SHISA9: variants seen among roughly 807,000 people sequenced by gnomAD.
The protein encoded by SHISA9 is shisa family member 9.
Under a neutral mutation model 38.0 loss-of-function variants are expected in SHISA9, and 13 were observed. The observed-to-expected ratio is 0.34, with a 90% CI of 0.22 to 0.54. The LOEUF (loss-of-function observed/expected upper bound fraction) is 0.54, where lower values mean the gene tolerates loss of function less well. Ranked by LOEUF, SHISA9 falls within the 20% of genes least tolerant of loss-of-function variation. SHISA9 has a pLI of 0.91. For synonymous variants in SHISA9, 275 were observed against 242.0 expected (o/e 1.14, Z -1.27); for missense variants, 538 against 575.8 (o/e 0.93, Z 0.67).
At chr16:13,221,034 G>GA (rs10665930) in intron 4 of SHISA9, among the ~76,000 whole-genome samples, 3,036 of 147,276 alleles carry the variant, frequency 0.021, 50 homozygotes, top group Non-Finnish European at 0.031. Flanking sequence ...TGGGATTTTA[G>GA]AAAAAAAAAA....
At chr16:13,412,982 GGAATGAATGAAT>G in the SHISA9 span, among the ~76,000 whole-genome samples, 1 of 151,528 alleles carries the variant, frequency 6.6e-6, no homozygotes, top group Admixed American at 6.6e-5. Flanking sequence ...AATAAATAAA[GGAATGAATGAAT>G]GAATGAATGA....
At chr16:13,153,943 C>G (rs1043515544) in intron 2 of SHISA9, among the ~76,000 whole-genome samples, 1 of 112,446 alleles carries the variant, frequency 8.9e-6, no homozygotes, top group African/African-American at 3.4e-5. Flanking sequence ...GGCAACAGAT[C>G]TGAGGGCTGG....
At chr16:13,056,552 G>A in intron 2 of SHISA9, among the ~76,000 whole-genome samples, 1 of 152,184 alleles carries the variant, frequency 6.6e-6, no homozygotes, top group Non-Finnish European at 1.5e-5. Flanking sequence ...ATCAGTTATG[G>A]GTTGGAAGGA....
chr16:13,548,101 A>G, the SHISA9 span, among the ~76,000 whole-genome samples: 1 of 152,220 alleles, frequency 6.6e-6, no homozygotes, highest in Non-Finnish European at 1.5e-5. Context: ...AGGCACCAAG[A>G]ACACACATAT....
At chr16:13,269,565 A>G in the SHISA9 span, among the ~76,000 whole-genome samples, 1 of 152,204 alleles carries the variant, frequency 6.6e-6, no homozygotes, top group Non-Finnish European at 1.5e-5. Context: ...ATTCAGTGGT[A>G]AGCTTGGAAA....
At chr16:13,441,112 A>G in the SHISA9 span, among the ~76,000 whole-genome samples, 1 of 152,218 alleles carries the variant, frequency 6.6e-6, no homozygotes, top group Non-Finnish European at 1.5e-5. Context: ...GAAAAATAAA[A>G]GCAGAAGATA....
At chr16:13,130,460 C>T (rs190371229) in intron 2 of SHISA9, among the ~76,000 whole-genome samples, 220 of 152,208 alleles carry the variant, frequency 1.4e-3, no homozygotes, top group African/African-American at 5.0e-3. Flanking sequence ...CTACATGATA[C>T]CATCCCTATC....
chr16:13,262,678 G>GAA, the SHISA9 span, among the ~76,000 whole-genome samples: 6 of 55,864 alleles, frequency 1.1e-4, no homozygotes, highest in African/African-American at 5.4e-4. Context: ...GGAAGGGAGG[G>GAA]AGGAAGGAAG....
chr16:13,220,191 C>A (rs924550900), intron 4 of SHISA9, among the ~76,000 whole-genome samples: 1 of 152,118 alleles, frequency 6.6e-6, no homozygotes, highest in Non-Finnish European at 1.5e-5. Context: ...TTCTTCTTAT[C>A]TCAGGTGATT....
intron 2 of SHISA9, among the ~76,000 whole-genome samples, chr16:13,032,018 A>T (rs2072996559): frequency 6.6e-6 from 1 of 150,504 alleles, no homozygotes; most frequent in Admixed American, 6.7e-5. Context: ...TTTTTTTTTC[A>T]AATTTTACTT....
chr16:13,051,530 A>G (rs1295800555), intron 2 of SHISA9, among the ~76,000 whole-genome samples: 1 of 152,102 alleles, frequency 6.6e-6, no homozygotes, highest in Non-Finnish European at 1.5e-5. Flanking sequence ...TTCACTTTAC[A>G]CACCTTCTCA....
At chr16:13,461,942 C>T in the SHISA9 span, among the ~76,000 whole-genome samples, 1 of 151,966 alleles carries the variant, frequency 6.6e-6, no homozygotes, top group African/African-American at 2.4e-5. Context: ...AAGTATTCAC[C>T]CAGGAAGTAT....
At chr16:13,300,058 C>T in the SHISA9 span, among the ~76,000 whole-genome samples, 2 of 152,070 alleles carry the variant, frequency 1.3e-5, no homozygotes, top group Non-Finnish European at 2.9e-5. Flanking sequence ...CAAAGTAGCC[C>T]AGCTGTTTTC....
intron 2 of SHISA9, among the ~76,000 whole-genome samples, chr16:13,019,901 TTCTTTC>T: frequency 2.1e-5 from 1 of 47,172 alleles, no homozygotes; most frequent in South Asian, 8.0e-4. Flanking sequence ...CTTTCTTTCT[TTCTTTC>T]TTTCTTTCTT....
intron 2 of SHISA9, among the ~76,000 whole-genome samples, chr16:12,991,830 A>G (rs1567174830): frequency 1.3e-5 from 2 of 152,244 alleles, no homozygotes; most frequent in East Asian, 1.9e-4. Flanking sequence ...ATACTGATAG[A>G]TCCTTTTCCT....
At chr16:13,389,072 A>G in the SHISA9 span, among the ~76,000 whole-genome samples, 5 of 152,128 alleles carry the variant, frequency 3.3e-5, no homozygotes, top group East Asian at 9.6e-4. Flanking sequence ...ATGAACCTAC[A>G]TTGACACATC....
the SHISA9 span, among the ~76,000 whole-genome samples, chr16:13,496,328 T>C: frequency 2.2e-4 from 34 of 152,246 alleles, no homozygotes; most frequent in African/African-American, 7.5e-4. Flanking sequence ...AATAAGGTAA[T>C]GAGGTAATCA....
At chr16:13,080,748 C>T (rs894346821) in intron 2 of SHISA9, among the ~76,000 whole-genome samples, 1 of 152,218 alleles carries the variant, frequency 6.6e-6, no homozygotes, top group African/African-American at 2.4e-5. Flanking sequence ...CATAAAATAG[C>T]CATGCTGTGG....
chr16:13,438,591 G>T, the SHISA9 span, among the ~76,000 whole-genome samples: 1 of 152,178 alleles, frequency 6.6e-6, no homozygotes, highest in South Asian at 2.1e-4. Context: ...TGAAAAATTA[G>T]ACATATCATT....
Sources: gnomAD v4.1 joint callset for allele counts (sites outside exome capture counted in the v4.1 genomes callset) on GRCh38, gnomAD v4.1.1 for gene constraint, MANE v1.5 for transcripts, NCBI Gene and HGNC (gene_info 2026-07-23, HGNC 2026-07-21) for gene names.